Variants in USP15 observed in about 807,000 individuals in gnomAD.
USP15 encodes the protein ubiquitin carboxyl-terminal hydrolase 15.
In USP15, 18 loss-of-function variants were observed where a neutral mutation model predicts 127.1. That is an observed-to-expected ratio of 0.14 (90% CI 0.10 to 0.21). USP15 has a LOEUF of 0.21. Among genes scored for constraint, USP15 ranks in the 10% least tolerant of loss-of-function variants. The pLI is 1.00. For missense variants in USP15, 805 were observed against 1,159.9 expected, an observed-to-expected ratio of 0.69 and a Z score of 4.44; for synonymous variants, 364 against 393.7, an observed-to-expected ratio of 0.92 and a Z score of 0.89.
intron 5 of USP15, among the ~76,000 whole-genome samples, chr12:62,322,055 T>C (rs2065001242): frequency 6.6e-6 from 1 of 152,214 alleles, no homozygotes. Context: ...AAGCTATTTA[T>C]ATAAATGTGC....
intron 3 of USP15, among the ~76,000 whole-genome samples, chr12:62,305,339 CAAAA>C (rs1451992796): frequency 6.6e-6 from 1 of 151,900 alleles, no homozygotes; most frequent in East Asian, 1.9e-4. Flanking sequence ...AAGGATAAGA[CAAAA>C]TAATGATTTC....
intron 1 of USP15, among the ~76,000 whole-genome samples, chr12:62,272,052 TA>T (rs1293152214): frequency 6.6e-6 from 1 of 150,702 alleles, no homozygotes; most frequent in Admixed American, 6.6e-5. Flanking sequence ...TTGTGGTACT[TA>T]AAAAAAAAGT....
intron 1 of USP15, among the ~76,000 whole-genome samples, chr12:62,290,705 C>T (rs928507571): frequency 6.6e-6 from 1 of 152,036 alleles, no homozygotes; most frequent in Non-Finnish European, 1.5e-5. Flanking sequence ...TTTACAAGAC[C>T]TGTGGATTTT....
intron 8 of USP15, among the ~76,000 whole-genome samples, chr12:62,377,188 A>C (rs1289778576): frequency 6.6e-6 from 1 of 152,174 alleles, no homozygotes; most frequent in Non-Finnish European, 1.5e-5. Context: ...TCCCTCCTTC[A>C]TGTTTCAAAT....
chr12:62,380,536 C>G (rs2066961764), intron 8 of USP15, among the ~76,000 whole-genome samples: 1 of 152,002 alleles, frequency 6.6e-6, no homozygotes, highest in Non-Finnish European at 1.5e-5. Flanking sequence ...TCCAGGCTCT[C>G]ATAAGAGTGA....
intron 1 of USP15, among the ~76,000 whole-genome samples, chr12:62,277,954 C>A (rs923469970): frequency 6.6e-6 from 1 of 152,056 alleles, no homozygotes; most frequent in Non-Finnish European, 1.5e-5. Context: ...ACGTTATAAA[C>A]CTTAAAAATG....
chr12:62,296,810 A>G (rs2064143770), intron 2 of USP15, among the ~76,000 whole-genome samples: 1 of 152,180 alleles, frequency 6.6e-6, no homozygotes, highest in African/African-American at 2.4e-5. Flanking sequence ...CTCAAGAGAG[A>G]TTGTCTCAGA....
At chr12:62,302,988 C>A in intron 3 of USP15, 68 bp downstream of exon 3, 1 of 1,514,508 alleles carries the variant, frequency 6.6e-7, no homozygotes, top group Middle Eastern at 2.0e-4. Flanking sequence ...ATTATTAATT[C>A]AATGAATTGT....
intron 8 of USP15, among the ~76,000 whole-genome samples, chr12:62,381,006 C>A (rs1355791199): frequency 6.6e-6 from 1 of 151,982 alleles, no homozygotes; most frequent in Non-Finnish European, 1.5e-5. Context: ...AAATGGTTGA[C>A]CATATGGAAG....
intron 7 of USP15, among the ~76,000 whole-genome samples, chr12:62,352,876 T>C (rs1451919396): frequency 6.6e-6 from 1 of 151,958 alleles, no homozygotes; most frequent in Non-Finnish European, 1.5e-5. Flanking sequence ...AAGAAGGATA[T>C]AATACAGAAT....
At chr12:62,358,857 G>A (rs2066223244) in intron 8 of USP15, among the ~76,000 whole-genome samples, 1 of 151,924 alleles carries the variant, frequency 6.6e-6, no homozygotes, top group South Asian at 2.1e-4. Flanking sequence ...GATATATGTA[G>A]GTTATATACA....
chr12:62,404,022 T>G (rs1398889957), intron 21 of USP15, among the ~76,000 whole-genome samples, 171 bp from the exon 22 acceptor site: 1 of 151,852 alleles, frequency 6.6e-6, no homozygotes, highest in African/African-American at 2.4e-5. Flanking sequence ...CGATTCTTTA[T>G]TAGAAATCAT....
chr12:62,349,324 A>C lies in USP15; in HGVS notation c.770+17A>C, dbSNP rs1343716419. 2 of 1,435,278 alleles carry C rather than the reference A, an allele frequency of 1.4e-6. No individual in the cohort carries two copies. The highest frequency in any genetic ancestry group is 2.9e-5 in the South Asian group (2 of 68,954). The allele number at this position is 1,435,278 out of a possible 1,614,324, so 88.9% of individuals were successfully genotyped here. On this transcript the variant is annotated intron_variant, in intron 7 of 21. Coordinates refer to ENST00000280377, the MANE Select transcript of USP15 (RefSeq NM_001252078.2). ...CAACAGAAAGTAAGCACTGAATCTT[A>C]AAAACTCTTTGTTTAATTGATCACC...
At position 62,396,382 on chromosome 12, in the gene USP15, G is replaced by A. The variant is rs749030785; in HGVS notation, c.2658G>A (p.Gly886=). 1 of 1,613,444 alleles carries A rather than the reference G, an allele frequency of 6.2e-7. No individual in the cohort carries two copies. The highest frequency in any genetic ancestry group is 8.5e-7 in the Non-Finnish European group (1 of 1,179,658). ...NLIAVSNHYG[G]MGGGHYTAFA... ...TTGCTGTTTCCAACCACTATGGAGG[G>A]ATGGGAGGAGGACACTGTAAGTTGA... The change falls in exon 20 of 22, where the codon GGG becomes GGA. Residue 886 remains glycine, a synonymous_variant. Transcript: ENST00000280377.
At chr12:62,304,708 G>T (rs1241492191) in intron 3 of USP15, 1 of 453,452 alleles carries the variant, frequency 2.2e-6, no homozygotes, top group African/African-American at 2.0e-5. Context: ...AAGAAAGCAA[G>T]GATATAAGCA....
chr12:62,289,218 G>C (rs1374918523), intron 1 of USP15, among the ~76,000 whole-genome samples: 12 of 150,914 alleles, frequency 8.0e-5, no homozygotes, highest in Middle Eastern at 3.4e-3. Flanking sequence ...TCCTGAGCTT[G>C]TTGTTGTTGT....
At chr12:62,300,526 T>C (rs1267042091) in intron 2 of USP15, among the ~76,000 whole-genome samples, 3 of 152,154 alleles carry the variant, frequency 2.0e-5, no homozygotes, top group Admixed American at 1.3e-4. Context: ...TTTAAAGCTG[T>C]AATAATAAAT....
At chr12:62,332,720 A>G (rs2065341539) in intron 6 of USP15, among the ~76,000 whole-genome samples, 1 of 152,246 alleles carries the variant, frequency 6.6e-6, no homozygotes, top group African/African-American at 2.4e-5. Flanking sequence ...AGAATAGGAC[A>G]TGAGTGGCAG....
chr12:62,354,641 C>T (rs969191215), intron 7 of USP15, among the ~76,000 whole-genome samples: 1 of 151,754 alleles, frequency 6.6e-6, no homozygotes, highest in Non-Finnish European at 1.5e-5. Flanking sequence ...TTAATATTAA[C>T]ATTTAAAATA....
Sources: allele counts gnomAD v4.1 joint callset (sites outside exome capture counted in the v4.1 genomes callset), GRCh38; gene constraint gnomAD v4.1.1; transcripts MANE v1.5; gene names NCBI Gene and HGNC (gene_info 2026-07-23, HGNC 2026-07-21).